TSKU: variants seen among roughly 807,000 people sequenced by gnomAD.
The protein encoded by TSKU is tsukushi, small leucine rich proteoglycan.
In TSKU, 4 loss-of-function variants were observed where a neutral mutation model predicts 11.2. The ratio of observed to expected loss-of-function variants is 0.36; its 90% CI spans 0.18 to 0.82. The LOEUF (loss-of-function observed/expected upper bound fraction) is 0.82, where lower values mean the gene tolerates loss of function less well. Among genes scored for constraint, TSKU ranks in the 40% least tolerant of loss-of-function variants. TSKU has a pLI of 0.50. For missense variants in TSKU, 407 were observed against 482.5 expected, an observed-to-expected ratio of 0.84 and a Z score of 1.47; for synonymous variants, 220 against 232.2, an observed-to-expected ratio of 0.95 and a Z score of 0.48.
chr11:76,796,530 T>C lies in TSKU; in HGVS notation c.914T>C (p.Leu305Pro), dbSNP rs372318305. ...PEALLLHLPA[L>P]QSVSVGQDVR... ...GCGCTGCTCCTCCACCTCCCGGCAC[T>C]GCAGAGCGTCAGCGTGGGCCAGGAT... Residue 305 changes from leucine (L) to proline (P), a missense_variant, in exon 2 of 2, where the codon CTG becomes CCG. Leu to Pro is a moderately conservative substitution (Grantham distance 98, BLOSUM62 -3). Coordinates refer to ENST00000333090, the MANE Select transcript of TSKU (RefSeq NM_015516.4). This position sits in a 1 kb window ranked among gnomAD's most constrained non-coding sequence, Gnocchi z 4.1. 1.2e-6 allele frequency: 2 copies of C among 1,608,474 alleles called. No homozygotes were observed. Among genetic ancestry groups the C allele is most frequent in the South Asian group, 1.1e-5 (1 of 90,876 alleles).
chr11:76,784,151 C>CTTCCT (rs1263841448), intron 1 of TSKU: 2 of 152,528 alleles, frequency 1.3e-5, no homozygotes, highest in East Asian at 3.9e-4. Context: ...CCCCCTCAGA[C>CTTCCT]CCCGGCTGGG....
chr11:76,795,538 G>GTT (rs1944427304), intron 1 of TSKU, 71 bp from the exon 2 acceptor site: 2 of 1,533,374 alleles, frequency 1.3e-6, no homozygotes, highest in South Asian at 2.5e-5. Context: ...TGTCTAGACT[G>GTT]GGCTCATGTC....
At position 76,796,578 on chromosome 11, in the gene TSKU, G is replaced by A. The variant is rs781005578; in HGVS notation, c.962G>A (p.Arg321Gln). 9.6e-6 allele frequency: 15 copies of A among 1,560,172 alleles called. No individual in the cohort carries two copies. The highest frequency in any genetic ancestry group is 4.1e-5 in the African/African-American group (3 of 73,202). The change falls in exon 2 of 2, where the codon CGG (arginine) becomes CAG (glutamine). Residue 321 changes from arginine (R) to glutamine (Q), a missense_variant. Arg to Gln is a conservative substitution (Grantham distance 43). Coordinates refer to ENST00000333090, the MANE Select transcript of TSKU (RefSeq NM_015516.4). This position sits in a 1 kb window ranked among gnomAD's most constrained non-coding sequence, Gnocchi z 4.1. ...GQDVRCRRLV[R>Q]EGTYPRRPGS... ...GATGTGCGGTGCCGGCGCCTGGTGC[G>A]GGAGGGCACCTACCCCCGGAGGCCT... is the stretch of plus-strand genomic sequence containing the variant.
intron 1 of TSKU, among the ~76,000 whole-genome samples, chr11:76,793,750 A>G (rs2134401166): frequency 6.6e-6 from 1 of 152,090 alleles, no homozygotes; most frequent in East Asian, 1.9e-4. Flanking sequence ...GACCATGCCC[A>G]GGATGCACCT....
intron 1 of TSKU, among the ~76,000 whole-genome samples, chr11:76,785,840 G>C (rs1944306568): frequency 6.6e-6 from 1 of 152,158 alleles, no homozygotes; most frequent in East Asian, 1.9e-4. Flanking sequence ...CAGCCTCTTA[G>C]AGTCAAAGGG....
intron 1 of TSKU, among the ~76,000 whole-genome samples, chr11:76,788,783 C>T (rs1944336711): frequency 6.6e-6 from 1 of 152,212 alleles, no homozygotes; most frequent in Non-Finnish European, 1.5e-5. Context: ...CACACACCCT[C>T]TAGGCCTGGC....
chr11:76,796,342 C>T lies in TSKU; in HGVS notation c.726C>T (p.Leu242=). 2.5e-6 allele frequency: 4 copies of T among 1,613,356 alleles called. No individual in the cohort carries two copies. The highest frequency in any genetic ancestry group is 3.4e-6 in the Non-Finnish European group (4 of 1,180,004). The change falls in exon 2 of 2, where the codon CTC becomes CTT. Residue 242 remains leucine (L), a synonymous_variant. Coordinates refer to ENST00000333090, the MANE Select transcript of TSKU (RefSeq NM_015516.4). This position sits in a 1 kb window ranked among gnomAD's most constrained non-coding sequence, Gnocchi z 4.1. ...TGTCTCTGGCCAGCCTGCAGAGGCT[C>T]CCTGAGCTGGCGCCCAGTGGCTTCC... ...THLSLASLQR[L]PELAPSGFRE...
At chr11:76,783,906 C>T (rs935506650) in intron 1 of TSKU, among the ~76,000 whole-genome samples, 1 of 152,126 alleles carries the variant, frequency 6.6e-6, no homozygotes, top group African/African-American at 2.4e-5. Context: ...GCCGCCCCAC[C>T]CCCCCGCTCC....
At position 76,793,435 on chromosome 11, in the gene TSKU, G is replaced by T. The variant is rs555256103; in HGVS notation, c.-8-2174G>T. On this transcript the variant is annotated intron_variant, in intron 1 of 1. Coordinates refer to ENST00000333090, the MANE Select transcript of TSKU (RefSeq NM_015516.4). ...GTCCCCTCTGGCGGGATAGCATTTG[G>T]GTCGTATTTTGAGCTGCTGGTTACA... Among the ~76,000 whole-genome samples the T allele has an allele frequency of 2.0e-5, 3 of 152,328 alleles. No individual in the cohort carries two copies. In the East Asian group the frequency reaches 5.8e-4, roughly 29 times the overall value.
chr11:76,788,789 C>T (rs1354002457), intron 1 of TSKU, among the ~76,000 whole-genome samples: 1 of 152,212 alleles, frequency 6.6e-6, no homozygotes, highest in Non-Finnish European at 1.5e-5. Context: ...CCCTCTAGGC[C>T]TGGCTCTGAT....
At chr11:76,788,895 G>C (rs748596592) in intron 1 of TSKU, among the ~76,000 whole-genome samples, 18 of 152,124 alleles carry the variant, frequency 1.2e-4, no homozygotes, top group Non-Finnish European at 2.5e-4. Context: ...ACTCACGGCA[G>C]AGAATTTACT....
chr11:76,794,769 C>T (rs1944419542), intron 1 of TSKU, among the ~76,000 whole-genome samples: 1 of 152,162 alleles, frequency 6.6e-6, no homozygotes, highest in Non-Finnish European at 1.5e-5. Flanking sequence ...ACCAGGATGC[C>T]CAATGAGAAG....
At chr11:76,782,951 C>T (rs1429948201), upstream of TSKU, 1 of 152,332 alleles carries the variant, frequency 6.6e-6, no homozygotes, top group Non-Finnish European at 1.5e-5. Flanking sequence ...AATTCCCTCT[C>T]TCTTTCCACA....
chr11:76,793,089 G>A (rs754127229), intron 1 of TSKU, among the ~76,000 whole-genome samples: 2 of 152,252 alleles, frequency 1.3e-5, no homozygotes, highest in East Asian at 1.9e-4. Context: ...GCATAGGCCC[G>A]GCACAGAGCA....
chr11:76,795,965 C>T lies in TSKU; in HGVS notation c.349C>T (p.His117Tyr). The change falls in exon 2 of 2, where the codon CAC becomes TAC. Residue 117 changes from histidine to tyrosine, a missense_variant. Physicochemically the swap from His to Tyr is moderately conservative, Grantham distance 83. Transcript: ENST00000333090. ...LRYLESLDLSHNGLTALPAES... is the reference protein window; with the variant it reads ...LRYLESLDLSYNGLTALPAES... ...CTACCTGGAGTCGCTTGACCTCAGCCACAATGGCCTGACAGCCCTGCCAGC... is the reference window on the plus strand; with the variant it reads ...CTACCTGGAGTCGCTTGACCTCAGCTACAATGGCCTGACAGCCCTGCCAGC... 2 of 1,613,994 alleles carry T rather than the reference C, an allele frequency of 1.2e-6. No individual in the cohort carries two copies. Among genetic ancestry groups the T allele is most frequent in the Non-Finnish European group, 1.7e-6 (2 of 1,180,042 alleles).
chr11:76,795,097 A>C (rs1944422474), intron 1 of TSKU, among the ~76,000 whole-genome samples: 1 of 152,174 alleles, frequency 6.6e-6, no homozygotes, highest in South Asian at 2.1e-4. Flanking sequence ...GACGTGTAAC[A>C]CTTGCTCAGC....
At chr11:76,792,941 A>G (rs1002933704) in intron 1 of TSKU, among the ~76,000 whole-genome samples, 6 of 152,260 alleles carry the variant, frequency 3.9e-5, no homozygotes, top group African/African-American at 1.2e-4. Flanking sequence ...TCTCTGCTCT[A>G]AAATGGGGAT....
chr11:76,788,108 G>GT (rs1375218198), intron 1 of TSKU, among the ~76,000 whole-genome samples: 2 of 152,154 alleles, frequency 1.3e-5, no homozygotes, highest in African/African-American at 4.8e-5. Flanking sequence ...AGGGCAGGAC[G>GT]TTTCTGAACC....
At chr11:76,786,966 C>T (rs1432578028) in intron 1 of TSKU, among the ~76,000 whole-genome samples, 1 of 152,162 alleles carries the variant, frequency 6.6e-6, no homozygotes, top group African/African-American at 2.4e-5. Context: ...TGTCACAGCA[C>T]CTTTTTCTTC....
Sources: allele counts gnomAD v4.1 joint callset (sites outside exome capture counted in the v4.1 genomes callset), GRCh38; gene constraint gnomAD v4.1.1; non-coding constraint Gnocchi (gnomAD v3.1); transcripts MANE v1.5; gene names NCBI Gene and HGNC (gene_info 2026-07-23, HGNC 2026-07-21).